PHF24: variants seen among roughly 807,000 people sequenced by gnomAD.
PHF24 encodes Galpha inhibitory interacting protein.
A neutral mutation model predicts 42.6 loss-of-function variants in PHF24; 25 were observed. That is an observed-to-expected ratio of 0.59 (90% CI 0.43 to 0.82). The LOEUF is 0.82. Among genes scored for constraint, PHF24 ranks in the 40% least tolerant of loss-of-function variants. PHF24 has a pLI of 0.00. For missense variants in PHF24, 470 were observed against 538.1 expected, an observed-to-expected ratio of 0.87 and a Z score of 1.25; for synonymous variants, 185 against 204.8, an observed-to-expected ratio of 0.90 and a Z score of 0.83.
chr9:34,710,924 T>C, the PHF24 span, among the ~76,000 whole-genome samples: 1 of 152,144 alleles, frequency 6.6e-6, no homozygotes, highest in Non-Finnish European at 1.5e-5. Flanking sequence ...ACCTGGTCTG[T>C]AGCATAACCA....
chr9:34,796,171 A>G, the PHF24 span, among the ~76,000 whole-genome samples: 1 of 152,164 alleles, frequency 6.6e-6, no homozygotes, highest in Non-Finnish European at 1.5e-5. Context: ...GGTCATCCAT[A>G]TGCAAAACAG....
the PHF24 span, among the ~76,000 whole-genome samples, chr9:34,900,866 A>C: frequency 1.3e-5 from 2 of 152,154 alleles, no homozygotes; most frequent in African/African-American, 4.8e-5. Flanking sequence ...ACAGCAAGGA[A>C]GCCCTCATCA....
chr9:34,736,446 A>G, the PHF24 span, among the ~76,000 whole-genome samples: 1 of 152,146 alleles, frequency 6.6e-6, no homozygotes, highest in African/African-American at 2.4e-5. Flanking sequence ...AGCTGGGACT[A>G]TAGGCATGCA....
the PHF24 span, among the ~76,000 whole-genome samples, chr9:34,738,221 C>G: frequency 6.6e-6 from 1 of 152,138 alleles, no homozygotes; most frequent in African/African-American, 2.4e-5. Context: ...CCAGTCAGTC[C>G]CACAAACAGA....
the PHF24 span, among the ~76,000 whole-genome samples, chr9:34,716,600 TTTTG>T: frequency 6.9e-6 from 1 of 144,996 alleles, no homozygotes. Flanking sequence ...TTTTGTTTTG[TTTTG>T]TTGAGACAGG....
intron 3 of PHF24, among the ~76,000 whole-genome samples, chr9:34,974,228 A>G (rs1366212041): frequency 2.0e-5 from 3 of 152,054 alleles, no homozygotes; most frequent in African/African-American, 4.8e-5. Flanking sequence ...ACCACCTATC[A>G]TATAATCTGA....
the PHF24 span, among the ~76,000 whole-genome samples, chr9:34,800,516 C>T: frequency 1.3e-5 from 2 of 152,176 alleles, no homozygotes; most frequent in Admixed American, 6.5e-5. Flanking sequence ...TAACACCACA[C>T]ATCTACAACC....
At chr9:34,881,818 T>A in the PHF24 span, among the ~76,000 whole-genome samples, 5 of 152,352 alleles carry the variant, frequency 3.3e-5, no homozygotes, top group East Asian at 9.6e-4. Flanking sequence ...TCTGAAACTA[T>A]TCCAATCAAT....
At chr9:34,809,917 C>T in the PHF24 span, among the ~76,000 whole-genome samples, 1 of 146,102 alleles carries the variant, frequency 6.8e-6, no homozygotes, top group Non-Finnish European at 1.5e-5. The surrounding 1 kb of genome is among the most constrained non-coding windows in gnomAD (Gnocchi z 4.1). Flanking sequence ...TTCGGGAGGC[C>T]AGTACCTCGG....
chr9:34,783,373 A>G, the PHF24 span, among the ~76,000 whole-genome samples: 1 of 152,198 alleles, frequency 6.6e-6, no homozygotes, highest in Non-Finnish European at 1.5e-5. Context: ...TACACAGCTT[A>G]CTATCTACGT....
At chr9:34,710,087 A>G in the PHF24 span, 1 of 1,610,138 alleles carries the variant, frequency 6.2e-7, no homozygotes. Context: ...GAGGGTGAGT[A>G]AGAGGCCAGA....
chr9:34,734,369 C>A, the PHF24 span, among the ~76,000 whole-genome samples: 1 of 152,194 alleles, frequency 6.6e-6, no homozygotes, highest in Non-Finnish European at 1.5e-5. Context: ...AGGGTCCTTT[C>A]CACGAACCTT....
the PHF24 span, among the ~76,000 whole-genome samples, chr9:34,936,718 ACCGCCCCGTCTGGGATGTGAGGAGCACCT>A: frequency 7.9e-6 from 1 of 126,182 alleles, no homozygotes; most frequent in African/African-American, 3.3e-5. Context: ...CCTCTGCCCC[ACCGCCCCGTCTGGGATGTGAGGAGCACCT>A]CTGCCCGGCC....
chr9:34,759,956 G>T, the PHF24 span, among the ~76,000 whole-genome samples: 1 of 152,144 alleles, frequency 6.6e-6, no homozygotes, highest in Non-Finnish European at 1.5e-5. Flanking sequence ...GTGCTTGTGC[G>T]GACAGGACAG....
chr9:34,969,363 C>G (rs1826890350), intron 1 of PHF24, among the ~76,000 whole-genome samples: 1 of 149,572 alleles, frequency 6.7e-6, no homozygotes, highest in African/African-American at 2.5e-5. Flanking sequence ...CCTCTTTCGC[C>G]AGGCACGGTG....
chr9:34,725,855 T>G, the PHF24 span: 1 of 1,551,876 alleles, frequency 6.4e-7, no homozygotes, highest in Non-Finnish European at 8.7e-7. Flanking sequence ...CAAGGGGGGC[T>G]TGGGCACATT....
the PHF24 span, among the ~76,000 whole-genome samples, chr9:34,895,346 G>A: frequency 1.3e-5 from 2 of 152,268 alleles, no homozygotes; most frequent in South Asian, 2.1e-4. Context: ...GATGAGACGG[G>A]AGGAAAAGTG....
At chr9:34,943,221 G>C in the PHF24 span, among the ~76,000 whole-genome samples, 1 of 152,124 alleles carries the variant, frequency 6.6e-6, no homozygotes, top group African/African-American at 2.4e-5. Flanking sequence ...CTCTGAGTCC[G>C]CTTGCTAGGG....
the PHF24 span, among the ~76,000 whole-genome samples, chr9:34,685,053 GA>G: frequency 8.8e-4 from 134 of 152,270 alleles, no homozygotes; most frequent in Middle Eastern, 3.4e-3. Flanking sequence ...GTGTCCCTCA[GA>G]AATGGGCCTT....
Sources: gnomAD v4.1 joint callset for allele counts (sites outside exome capture counted in the v4.1 genomes callset) on GRCh38, gnomAD v4.1.1 for gene constraint, Gnocchi (gnomAD v3.1) non-coding constraint, MANE v1.5 for transcripts, NCBI Gene and HGNC (gene_info 2026-07-23, HGNC 2026-07-21) for gene names.